The following CCDC14 variants were observed in gnomAD, a reference collection of about 807,000 sequenced individuals.
CCDC14 encodes the protein coiled-coil domain containing 14.
A neutral mutation model predicts 81.4 loss-of-function variants in CCDC14; 71 were observed. The observed-to-expected ratio is 0.87, with a 90% CI of 0.72 to 1.06. CCDC14 has a LOEUF of 1.06. Ranked by LOEUF, CCDC14 falls within the 50% of genes least tolerant of loss-of-function variation. The pLI is 0.00. For synonymous variants in CCDC14, 332 were observed against 364.8 expected (o/e 0.91, Z 1.03); for missense variants, 1,046 against 1,047.3 (o/e 1.00, Z 0.02).
the CCDC14 span, among the ~76,000 whole-genome samples, chr3:123,890,834 G>C: frequency 6.6e-6 from 1 of 152,162 alleles, no homozygotes; most frequent in Non-Finnish European, 1.5e-5. Flanking sequence ...ACCCTAGTAG[G>C]GACTCTGTGT....
intron 9 of CCDC14, among the ~76,000 whole-genome samples, chr3:123,936,235 T>C (rs2148878409): frequency 6.6e-6 from 1 of 152,126 alleles, no homozygotes; most frequent in African/African-American, 2.4e-5. Flanking sequence ...TGATACATGA[T>C]AAAAACAGAA....
the CCDC14 span, among the ~76,000 whole-genome samples, chr3:123,891,374 A>C: frequency 8.5e-5 from 13 of 152,300 alleles, no homozygotes; most frequent in Admixed American, 8.5e-4. Flanking sequence ...TCAGGCTGCA[A>C]ATTTTCTGAA....
At chr3:123,899,777 C>T (rs2034143054) in intron 5 of CCDC14, among the ~76,000 whole-genome samples, 1 of 152,234 alleles carries the variant, frequency 6.6e-6, no homozygotes, top group African/African-American at 2.4e-5. Context: ...CTGTAAACGT[C>T]TGTAGCTGAC....
chr3:123,890,087 TC>T, the CCDC14 span, among the ~76,000 whole-genome samples: 2 of 152,024 alleles, frequency 1.3e-5, no homozygotes, highest in Non-Finnish European at 2.9e-5. Context: ...GCAGAGAAAC[TC>T]CCATTTTTAA....
chr3:123,895,336 G>A (rs1356856385), downstream of CCDC14, among the ~76,000 whole-genome samples: 4 of 152,130 alleles, frequency 2.6e-5, no homozygotes, highest in Non-Finnish European at 4.4e-5. Context: ...AAAGGAGAAG[G>A]AAAGGGAAGG....
At chr3:123,945,662 C>T (rs539820204) in intron 8 of CCDC14, among the ~76,000 whole-genome samples, 12 of 152,196 alleles carry the variant, frequency 7.9e-5, no homozygotes, top group South Asian at 4.1e-4. Context: ...ATATTTACTA[C>T]GGGCTGAAAG....
chr3:123,922,479 T>C (rs761450717), intron 12 of CCDC14, among the ~76,000 whole-genome samples: 3 of 151,926 alleles, frequency 2.0e-5, no homozygotes, highest in African/African-American at 2.4e-5. Flanking sequence ...TTAGCTAGAC[T>C]AAGAGAAGGA....
intron 1 of CCDC14, among the ~76,000 whole-genome samples, chr3:123,959,818 T>C (rs1027278172): frequency 7.7e-6 from 1 of 129,248 alleles, no homozygotes; most frequent in Non-Finnish European, 1.5e-5. Context: ...AATACCTAGA[T>C]ATTTGCAATT....
intron 12 of CCDC14, among the ~76,000 whole-genome samples, chr3:123,916,501 T>TGTGTGG (rs1305740998): frequency 2.0e-5 from 3 of 150,198 alleles, no homozygotes; most frequent in East Asian, 2.0e-4. Context: ...TGTGTGTGTG[T>TGTGTGG]GGCACAATAC....
In CCDC14 at chr3:123,915,556, AT is replaced by A. The variant is rs1197895383; in HGVS notation, c.1940del (p.Asn647IlefsTer3). On this transcript the variant is annotated frameshift_variant, in exon 13 of 13. Transcript: ENST00000409697. LOFTEE classifies it low-confidence loss of function (END_TRUNC). ...PAHTSIMSYL[N>X]KLETNYSFTH... ...TAAAACTGTAATTTGTTTCTAACTT[AT>A]TTAGATAGCTCATTATGGAAGTGTG... 3 of 1,614,008 alleles carry A rather than the reference AT, an allele frequency of 1.9e-6. No individual in the cohort carries two copies. The highest frequency in any genetic ancestry group is 2.5e-6 in the Non-Finnish European group (3 of 1,179,890).
chr3:123,942,592 C>T (rs1357846806), intron 9 of CCDC14, among the ~76,000 whole-genome samples: 2 of 152,192 alleles, frequency 1.3e-5, no homozygotes, highest in East Asian at 1.9e-4. Flanking sequence ...TATTTAATTG[C>T]TTTCCAGTTT....
At chr3:123,919,332 GC>G (rs1315548174) in intron 12 of CCDC14, among the ~76,000 whole-genome samples, 1 of 152,158 alleles carries the variant, frequency 6.6e-6, no homozygotes, top group Non-Finnish European at 1.5e-5. Context: ...CTGAGGTTTT[GC>G]CCAGGCCCAG....
intron 9 of CCDC14, among the ~76,000 whole-genome samples, chr3:123,938,528 A>AT (rs2036179378): frequency 6.6e-6 from 1 of 151,946 alleles, no homozygotes. Flanking sequence ...TACAAGAGTT[A>AT]TCATGTCATC....
chr3:123,920,162 C>G (rs1271722675), intron 12 of CCDC14, among the ~76,000 whole-genome samples: 1 of 151,900 alleles, frequency 6.6e-6, no homozygotes, highest in Non-Finnish European at 1.5e-5. Context: ...CTTGATCAAG[C>G]AGAGGAATTA....
At chr3:123,940,687 A>G (rs1215797884) in intron 9 of CCDC14, among the ~76,000 whole-genome samples, 1 of 152,038 alleles carries the variant, frequency 6.6e-6, no homozygotes, top group East Asian at 1.9e-4. Flanking sequence ...ATATGCTGGT[A>G]ACAGATCACT....
intron 5 of CCDC14, among the ~76,000 whole-genome samples, chr3:123,951,985 T>C (rs898728861): frequency 4.6e-5 from 7 of 152,198 alleles, no homozygotes; most frequent in African/African-American, 1.7e-4. Context: ...TGCAGTTATA[T>C]GACTACTACA....
At chr3:123,950,182 G>A (rs1025600189) in intron 5 of CCDC14, among the ~76,000 whole-genome samples, 1 of 152,030 alleles carries the variant, frequency 6.6e-6, no homozygotes, top group Non-Finnish European at 1.5e-5. Flanking sequence ...GTAAATCATA[G>A]GTTATCAGTA....
At position 123,948,505 on chromosome 3, in the gene CCDC14, G is replaced by T. The variant is rs573021733; in HGVS notation, c.684+186C>A. Among the ~76,000 whole-genome samples the T allele has an allele frequency of 3.3e-5, 5 of 152,198 alleles. No homozygotes were observed. The East Asian group carries it at 9.7e-4, about 29-fold the overall frequency. ...TCCACCCACCTCGGCCTCCCAAAGT[G>T]CCGGGATTACAGGCGTTTAGCCACG... is the stretch of plus-strand genomic sequence containing the variant. On this transcript the variant is annotated intron_variant, in intron 7 of 12. Coordinates refer to ENST00000409697, the MANE Select transcript of CCDC14 (RefSeq NM_001366335.1).
intron 9 of CCDC14, among the ~76,000 whole-genome samples, chr3:123,938,024 A>G (rs2036151356): frequency 6.6e-6 from 1 of 151,920 alleles, no homozygotes; most frequent in South Asian, 2.1e-4. Context: ...TCACCTTTAC[A>G]CCACACCTCT....
Sources: gnomAD v4.1 joint callset for allele counts (sites outside exome capture counted in the v4.1 genomes callset) on GRCh38, gnomAD v4.1.1 for gene constraint, MANE v1.5 for transcripts, NCBI Gene and HGNC (gene_info 2026-07-23, HGNC 2026-07-21) for gene names.